The following COMMD10 variants were observed in gnomAD, a reference collection of about 807,000 sequenced individuals.
The protein encoded by COMMD10 is COMM domain-containing protein 10.
In COMMD10, 33 loss-of-function variants were observed where a neutral mutation model predicts 28.9. The ratio of observed to expected loss-of-function variants is 1.14; its 90% CI spans 0.87 to 1.53. The LOEUF (loss-of-function observed/expected upper bound fraction) is 1.53. Ranked by LOEUF, COMMD10 falls within the 40% of genes most tolerant of loss-of-function variation. The probability of loss-of-function intolerance (pLI) is 0.00; values close to 1 mark genes in which losing one functional copy is unlikely to be tolerated. For synonymous variants in COMMD10, 110 were observed against 81.7 expected (o/e 1.35, Z -1.87); for missense variants, 310 against 233.4 (o/e 1.33, Z -2.14).
chr5:116,219,217 CTGT>C (rs1042620147), intron 5 of COMMD10, among the ~76,000 whole-genome samples: 1 of 123,650 alleles, frequency 8.1e-6, no homozygotes, highest in African/African-American at 2.5e-5. Flanking sequence ...TTGTTGGTGG[CTGT>C]TGTTTAAGCC....
chr5:116,148,012 G>T (rs1441135343), intron 5 of COMMD10, among the ~76,000 whole-genome samples: 4 of 151,656 alleles, frequency 2.6e-5, no homozygotes, highest in Non-Finnish European at 4.4e-5. Context: ...TCTGTTGTTT[G>T]TATGTTCCAT....
intron 4 of COMMD10, among the ~76,000 whole-genome samples, chr5:116,122,173 G>A (rs1454318420): frequency 6.6e-6 from 1 of 152,294 alleles, no homozygotes; most frequent in East Asian, 1.9e-4. Flanking sequence ...GTGTAAGGAA[G>A]GGATCCAGTT....
intron 5 of COMMD10, among the ~76,000 whole-genome samples, chr5:116,227,002 A>C (rs1349706503): frequency 6.6e-6 from 1 of 151,540 alleles, no homozygotes; most frequent in African/African-American, 2.4e-5. Context: ...AGTGTAGATA[A>C]GTTTACTGCT....
Position 116,125,384 on chromosome 5 carries a change from C to A in COMMD10, c.400-8684C>A, listed in dbSNP as rs76603539. Among the ~76,000 whole-genome samples the A allele has an allele frequency of 2.6e-5, 4 of 152,336 alleles. No homozygotes were observed. The East Asian group carries it at 7.7e-4, about 29-fold the overall frequency. On this transcript the variant is annotated intron_variant, in intron 4 of 6. Coordinates refer to ENST00000274458, the MANE Select transcript of COMMD10 (RefSeq NM_016144.4). Reference sequence around the variant, plus strand: ...AGAATGTTGAACATTGGCCCCCACTCTCTTCTGGCTTGTAGAGTTTCTACT... The same window carrying A: ...AGAATGTTGAACATTGGCCCCCACTATCTTCTGGCTTGTAGAGTTTCTACT...
At chr5:116,100,908 C>T (rs1289094047) in intron 4 of COMMD10, among the ~76,000 whole-genome samples, 2 of 152,206 alleles carry the variant, frequency 1.3e-5, no homozygotes, top group African/African-American at 4.8e-5. Flanking sequence ...CCTCTCCCTT[C>T]TGAGTCTCCA....
Position 116,268,392 on chromosome 5 carries a change from C to T in COMMD10, c.511-23125C>T, listed in dbSNP as rs376708647. 3.9e-5 allele frequency among the ~76,000 whole-genome samples: 6 copies of T among 151,930 alleles called. No individual in the cohort carries two copies. The East Asian group carries it at 9.6e-4, about 24-fold the overall frequency. ...CCATCAGACAAATGCAAATCAAAAC[C>T]ACAATGAGATACCATCTCATACCAG... is the stretch of plus-strand genomic sequence containing the variant. On this transcript the variant is annotated intron_variant, in intron 5 of 6. Coordinates refer to ENST00000274458, the MANE Select transcript of COMMD10 (RefSeq NM_016144.4).
intron 5 of COMMD10, among the ~76,000 whole-genome samples, chr5:116,280,591 C>T (rs784482): frequency 0.11 from 16,023 of 151,686 alleles, 1,053 homozygotes; most frequent in East Asian, 0.24. Context: ...GCACTTTTCT[C>T]GGGCAGCACA....
Position 116,274,585 on chromosome 5 carries a change from C to A in COMMD10, c.511-16932C>A, listed in dbSNP as rs560947333. Among the ~76,000 whole-genome samples, 15 of 151,874 alleles carry A rather than the reference C, an allele frequency of 9.9e-5. No homozygotes were observed. In the South Asian group the frequency reaches 3.1e-3, roughly 32 times the overall value. Reference sequence around the variant, plus strand: ...TCTGTTCAGCTGGGCTTGGCTTTTCCCCATCACTGCACCAAAATACTTTTG... The same window carrying A: ...TCTGTTCAGCTGGGCTTGGCTTTTCACCATCACTGCACCAAAATACTTTTG... On this transcript the variant is annotated intron_variant, in intron 5 of 6. Coordinates refer to ENST00000274458, the MANE Select transcript of COMMD10 (RefSeq NM_016144.4).
intron 5 of COMMD10, among the ~76,000 whole-genome samples, chr5:116,283,194 A>C (rs1449797592): frequency 6.6e-6 from 1 of 151,898 alleles, no homozygotes; most frequent in African/African-American, 2.4e-5. Context: ...CTACAAAAAC[A>C]ACCATTCTAC....
chr5:116,201,239 A>C (rs551079244), intron 5 of COMMD10, among the ~76,000 whole-genome samples: 3 of 152,176 alleles, frequency 2.0e-5, no homozygotes, highest in Non-Finnish European at 4.4e-5. Context: ...AGAAGCACAG[A>C]GTGATCCGGC....
chr5:116,274,493 C>T (rs1750848768), intron 5 of COMMD10, among the ~76,000 whole-genome samples: 1 of 151,788 alleles, frequency 6.6e-6, no homozygotes, highest in Admixed American at 6.6e-5. Context: ...CAGCAGGTCA[C>T]ACTTGGCCTG....
chr5:116,191,137 C>T (rs1400846738), intron 5 of COMMD10, among the ~76,000 whole-genome samples: 2 of 152,104 alleles, frequency 1.3e-5, no homozygotes, highest in Non-Finnish European at 2.9e-5. Context: ...AGCAGAAAGG[C>T]CCTGGAGCTC....
chr5:116,118,640 T>C (rs894986061), intron 4 of COMMD10, among the ~76,000 whole-genome samples: 1 of 152,228 alleles, frequency 6.6e-6, no homozygotes, highest in South Asian at 2.1e-4. Context: ...ATTTATTTTA[T>C]GGCTCTTGAA....
chr5:116,265,576 A>G (rs961549082), intron 5 of COMMD10, among the ~76,000 whole-genome samples: 2 of 151,786 alleles, frequency 1.3e-5, no homozygotes, highest in African/African-American at 4.9e-5. Context: ...GAAAACTTAA[A>G]AAAAATTCAA....
intron 4 of COMMD10, among the ~76,000 whole-genome samples, chr5:116,102,602 G>A (rs1325025665): frequency 6.6e-6 from 1 of 152,096 alleles, no homozygotes. Flanking sequence ...AAATGACAAT[G>A]GTATTTTGAT....
chr5:116,156,660 C>G (rs1480410220), intron 5 of COMMD10, among the ~76,000 whole-genome samples: 1 of 152,138 alleles, frequency 6.6e-6, no homozygotes, highest in African/African-American at 2.4e-5. Context: ...CAGTACAACT[C>G]TTAGAATTTT....
At position 116,292,873 on chromosome 5, in the gene COMMD10, A is replaced by C. The variant is rs199642296; in HGVS notation, c.*384A>C. 2.7e-4 allele frequency: 106 copies of C among 394,554 alleles called. 2 individuals carry two copies. The East Asian group carries it at 3.6e-3, about 13-fold the overall frequency. The allele number at this position is 394,554 out of a possible 1,614,324, so 24.4% of individuals were successfully genotyped here. A position where few individuals can be genotyped will look rare whatever the true frequency, so the allele number is the denominator to read the frequency against. Reference sequence around the variant, plus strand: ...CAAGATAAGATGTGTACCTTAGTAGAATACAGAGCTTTGGTAATTACATGA... The same window carrying C: ...CAAGATAAGATGTGTACCTTAGTAGCATACAGAGCTTTGGTAATTACATGA... On this transcript the variant is annotated 3_prime_UTR_variant, in exon 7 of 7. Coordinates refer to ENST00000274458, the MANE Select transcript of COMMD10 (RefSeq NM_016144.4).
chr5:116,224,483 C>T (rs909841613), intron 5 of COMMD10, among the ~76,000 whole-genome samples: 1 of 152,126 alleles, frequency 6.6e-6, no homozygotes, highest in Non-Finnish European at 1.5e-5. Context: ...TCTGGTAAGG[C>T]CTCAGGAAGC....
rs142959301 is a variant in COMMD10, at chr5:116,142,207, C to G, written c.510+8029C>G. Among the ~76,000 whole-genome samples the G allele has an allele frequency of 4.3e-3, 657 of 151,876 alleles. 2 individuals are homozygous for G. Among genetic ancestry groups the G allele is most frequent in the African/African-American group, 6.8e-3 (282 of 41,506 alleles). ...TTTTTCACTTAATGCTGTAACAAAT[C>G]ATTTTTTATATCATTTCAAACTCAT... On this transcript the variant is annotated intron_variant, in intron 5 of 6. Transcript: ENST00000274458.
Sources: gnomAD v4.1 joint callset for allele counts (sites outside exome capture counted in the v4.1 genomes callset) on GRCh38, gnomAD v4.1.1 for gene constraint, MANE v1.5 for transcripts, NCBI Gene and HGNC (gene_info 2026-07-23, HGNC 2026-07-21) for gene names.